Variants in ENPP1 observed in about 807,000 individuals in gnomAD.
The protein encoded by ENPP1 is ectonucleotide pyrophosphatase/phosphodiesterase family member 1.
In ENPP1, 73 loss-of-function variants were observed where a neutral mutation model predicts 122.8. The ratio of observed to expected loss-of-function variants is 0.59; its 90% CI spans 0.49 to 0.72. The LOEUF (loss-of-function observed/expected upper bound fraction) is 0.72, where lower values mean the gene tolerates loss of function less well. ENPP1 is among the 30% of genes least tolerant of loss of function. ENPP1 has a pLI of 0.00. For missense variants in ENPP1, 978 were observed against 1,128.1 expected, an observed-to-expected ratio of 0.87 and a Z score of 1.91; for synonymous variants, 367 against 391.6, an observed-to-expected ratio of 0.94 and a Z score of 0.74.
At chr6:131,860,348 T>A (rs780853544) in intron 7 of ENPP1, 39 bp from the exon 8 acceptor site, 1 of 1,497,940 alleles carries the variant, frequency 6.7e-7, no homozygotes, top group South Asian at 1.2e-5. Context: ...TAACATTAAG[T>A]AAACACAACT....
Position 131,831,134 on chromosome 6 carries a change from A to G in ENPP1, c.241-16642A>G, listed in dbSNP as rs867973970. On this transcript the variant is annotated intron_variant, in intron 1 of 24. Coordinates refer to ENST00000647893, the MANE Select transcript of ENPP1 (RefSeq NM_006208.3). ...TCTCTCAAAAAAAAAAAAAAAAAAA[A>G]AAAGAAAAGAAAATAGATCAAAAAA... is the stretch of plus-strand genomic sequence containing the variant. Among the ~76,000 whole-genome samples, 313 of 143,538 alleles carry G rather than the reference A, an allele frequency of 2.2e-3. 3 individuals are homozygous for G. The highest frequency in any genetic ancestry group is 0.015 in the Admixed American group (217 of 14,332). 94.2% of individuals were successfully genotyped at this position (143,538 alleles called of 152,430 possible).
At chr6:131,820,258 C>T (rs187750574) in intron 1 of ENPP1, 11 of 170,418 alleles carry the variant, frequency 6.5e-5, no homozygotes, top group East Asian at 3.3e-4. Context: ...AGAAAAATTT[C>T]GTGAATATAT....
chr6:131,833,004 A>G (rs187018131), intron 1 of ENPP1, among the ~76,000 whole-genome samples: 7 of 152,354 alleles, frequency 4.6e-5, no homozygotes, highest in Non-Finnish European at 1.0e-4. Context: ...AGTTTTTGCA[A>G]TTCCAAACAC....
At chr6:131,820,126 A>G (rs536169916) in intron 1 of ENPP1, 42 of 412,574 alleles carry the variant, frequency 1.0e-4, no homozygotes, top group African/African-American at 6.4e-4. Flanking sequence ...GCGACTGGTC[A>G]TAGTTTAAGA....
chr6:131,881,933 C>T lies in ENPP1; in HGVS notation c.2101-412C>T, dbSNP rs112499922. Reference sequence around the variant, plus strand: ...ACTCGGGAAGCTGAGGCAGGAGAATCGCTTGAACCTGGGGGGCAGAGTTGC... The same window carrying T: ...ACTCGGGAAGCTGAGGCAGGAGAATTGCTTGAACCTGGGGGGCAGAGTTGC... On this transcript the variant is annotated intron_variant, in intron 20 of 24. Transcript: ENST00000647893. 2.9e-3 allele frequency among the ~76,000 whole-genome samples: 434 copies of T among 152,090 alleles called. 1 individual carries two copies. Among genetic ancestry groups the T allele is most frequent in the Middle Eastern group, 6.8e-3 (2 of 294 alleles).
intron 24 of ENPP1, among the ~76,000 whole-genome samples, chr6:131,889,046 G>T: frequency 6.6e-6 from 1 of 152,100 alleles, no homozygotes; most frequent in East Asian, 1.9e-4. Flanking sequence ...ATGCATCTTT[G>T]TAGGTAACAC....
chr6:131,808,300 G>A, intron 1 of ENPP1, 25 bp downstream of exon 1: 1 of 1,483,908 alleles, frequency 6.7e-7, no homozygotes, highest in African/African-American at 1.4e-5. Flanking sequence ...AGGCCCCGGC[G>A]CCCGGGAGGG....
chr6:131,843,976 T>C (rs977753069), intron 1 of ENPP1, among the ~76,000 whole-genome samples: 4 of 152,100 alleles, frequency 2.6e-5, no homozygotes, highest in African/African-American at 4.8e-5. Flanking sequence ...GTGTATGTGG[T>C]GTTTTTGTGT....
chr6:131,856,843 A>G (rs371015707), intron 6 of ENPP1, among the ~76,000 whole-genome samples: 2 of 151,444 alleles, frequency 1.3e-5, no homozygotes, highest in Admixed American at 6.6e-5. Flanking sequence ...TGTTCCATTG[A>G]TCTATATCTC....
At chr6:131,824,466 G>C (rs1277859547) in intron 1 of ENPP1, among the ~76,000 whole-genome samples, 1 of 129,162 alleles carries the variant, frequency 7.7e-6, no homozygotes, top group Non-Finnish European at 1.8e-5. Flanking sequence ...TGTTGTTGTT[G>C]TTGTTTGAGA....
chr6:131,884,328 G>A (rs775280501), intron 22 of ENPP1, among the ~76,000 whole-genome samples: 4 of 152,108 alleles, frequency 2.6e-5, no homozygotes, highest in African/African-American at 2.4e-5. Flanking sequence ...TTGTGTTTGC[G>A]ATGTTGCTAT....
intron 1 of ENPP1, among the ~76,000 whole-genome samples, chr6:131,816,313 T>A (rs942646417): frequency 1.3e-5 from 2 of 152,142 alleles, no homozygotes; most frequent in African/African-American, 4.8e-5. Context: ...ATACAACTTG[T>A]AATTAGAGAT....
chr6:131,861,621 C>A lies in ENPP1; in HGVS notation c.942C>A (p.Gly314=), dbSNP rs771111562. 32 of 1,613,058 alleles carry A rather than the reference C, an allele frequency of 2.0e-5. No individual in the cohort carries two copies. The highest frequency in any genetic ancestry group is 2.5e-5 in the Non-Finnish European group (29 of 1,179,198). Residue 314 remains glycine (G), a synonymous_variant, in exon 9 of 25, where the codon GGC becomes GGA. Transcript: ENST00000647893. ...TTTGGGTCACAGCTAAGTATCAAGG[C>A]CTCAAGTCTGGCACATTTTTCTGGC... The part of the protein sequence containing the change: ...EPIWVTAKYQ[G]LKSGTFFWPG...
In ENPP1 at chr6:131,826,513, A is replaced by G. The variant is rs562509960; in HGVS notation, c.240+18238A>G. 880 of 1,172,172 alleles carry G rather than the reference A, an allele frequency of 7.5e-4. 1 individual carries two copies. The highest frequency in any genetic ancestry group is 1.2e-3 in the Middle Eastern group (6 of 5,074). The allele number at this position is 1,172,172 out of a possible 1,614,324, so 72.6% of individuals were successfully genotyped here. A position where few individuals can be genotyped will look rare whatever the true frequency, so the allele number is the denominator to read the frequency against. On this transcript the variant is annotated intron_variant, in intron 1 of 24. Transcript: ENST00000647893. Reference sequence around the variant, plus strand: ...AAGATTCTGAAGATGCTGACAGCCAATGATCTCTTCCACAGTTTTAAGGTT... The same window carrying G: ...AAGATTCTGAAGATGCTGACAGCCAGTGATCTCTTCCACAGTTTTAAGGTT...
chr6:131,836,050 T>C (rs753149495), intron 1 of ENPP1, among the ~76,000 whole-genome samples: 2 of 152,162 alleles, frequency 1.3e-5, no homozygotes, highest in Non-Finnish European at 2.9e-5. Context: ...TTCTCTTGTC[T>C]TCTGTTCTTT....
At chr6:131,808,356 C>T (rs1260621747) in intron 1 of ENPP1, 81 bp downstream of exon 1, 1 of 1,383,630 alleles carries the variant, frequency 7.2e-7, no homozygotes, top group Non-Finnish European at 9.5e-7. Flanking sequence ...GCTCTCAGCG[C>T]AGTCAGCACC....
At position 131,808,722 on chromosome 6, in the gene ENPP1, C is replaced by T. The variant is rs575166439; in HGVS notation, c.240+447C>T. On this transcript the variant is annotated intron_variant, in intron 1 of 24. Coordinates refer to ENST00000647893, the MANE Select transcript of ENPP1 (RefSeq NM_006208.3). ...GATTGCAGTTGAAGAGTTAGCGGAG[C>T]TCTTTAAGTTTTATTAGGAACTCTA... 3.9e-5 allele frequency among the ~76,000 whole-genome samples: 6 copies of T among 152,314 alleles called. No individual in the cohort carries two copies. In the East Asian group the frequency reaches 1.2e-3, roughly 29 times the overall value.
Position 131,892,304 on chromosome 6 carries a change from G to C in ENPP1, c.*1793G>C, listed in dbSNP as rs764768970. 1.3e-5 allele frequency: 2 copies of C among 152,210 alleles called. No homozygotes were observed. Among genetic ancestry groups the C allele is most frequent in the Non-Finnish European group, 2.9e-5 (2 of 68,068 alleles). The allele number at this position is 152,210 out of a possible 1,614,324, so 9.4% of individuals were successfully genotyped here. On this transcript the variant is annotated 3_prime_UTR_variant, in exon 25 of 25. Transcript: ENST00000647893. The stretch of plus-strand genomic sequence containing the variant: ...TTTCTCAGATACCACCACAGCAGGG[G>C]AATTGGGAGCACTGCTTCATTATTA...
intron 22 of ENPP1, among the ~76,000 whole-genome samples, chr6:131,884,598 G>T (rs1179424478): frequency 2.0e-5 from 3 of 152,072 alleles, no homozygotes; most frequent in Admixed American, 2.0e-4. Context: ...AGTGAGATCT[G>T]GTGTCTAGTC....
Sources: allele counts gnomAD v4.1 joint callset (sites outside exome capture counted in the v4.1 genomes callset), GRCh38; gene constraint gnomAD v4.1.1; transcripts MANE v1.5; gene names NCBI Gene and HGNC (gene_info 2026-07-23, HGNC 2026-07-21).